Variants in RPGR observed in about 807,000 individuals in gnomAD.
RPGR encodes the protein X-linked retinitis pigmentosa GTPase regulator.
A neutral mutation model predicts 56.3 loss-of-function variants in RPGR; 10 were observed. The ratio of observed to expected loss-of-function variants is 0.18; its 90% CI spans 0.11 to 0.30. The LOEUF (loss-of-function observed/expected upper bound fraction) is 0.30, where lower values mean the gene tolerates loss of function less well. RPGR is among the 10% of genes least tolerant of loss of function. The pLI, the probability that RPGR is intolerant of heterozygous loss-of-function variation, is 1.00. For missense variants in RPGR, 538 were observed against 590.9 expected (o/e 0.91, Z 0.93); for synonymous variants, 197 against 212.9 (o/e 0.93, Z 0.65).
At chrX:38,319,342 C>A (rs919173094) in intron 4 of RPGR, among the ~76,000 whole-genome samples, 1 of 112,337 alleles carries the variant, frequency 8.9e-6, no homozygotes, top group African/African-American at 3.2e-5. Context: ...AGAGATGTGT[C>A]CATTAATTTT....
At chrX:38,323,328 C>T in intron 2 of RPGR, 71 bp downstream of exon 2, 2 of 938,846 alleles carry the variant, frequency 2.1e-6, no homozygotes, top group African/African-American at 3.9e-5. Flanking sequence ...TAAAACACAG[C>T]AGCATATCTA....
At chrX:38,275,819 T>G (rs2066924451) in intron 16 of RPGR, among the ~76,000 whole-genome samples, 1 of 111,116 alleles carries the variant, frequency 9.0e-6, no homozygotes, top group South Asian at 3.8e-4. Flanking sequence ...ATGATGAGAG[T>G]GTTTCATACT....
chrX:38,269,902 G>A, intron 18 of RPGR: 1 of 775,482 alleles, frequency 1.3e-6, no homozygotes, highest in Non-Finnish European at 1.9e-6. Flanking sequence ...GTATTTAGGG[G>A]ATATCATTTT....
At chrX:38,312,815 G>A (rs1253711276) in intron 6 of RPGR, among the ~76,000 whole-genome samples, 1 of 110,788 alleles carries the variant, frequency 9.0e-6, no homozygotes, top group Non-Finnish European at 1.9e-5. Flanking sequence ...GTGGTGGCAC[G>A]CATCTTTGTC....
intron 15 of RPGR, chrX:38,285,454 A>T (rs2067109561): frequency 1.7e-6 from 2 of 1,185,241 alleles, no homozygotes; most frequent in Non-Finnish European, 2.3e-6. Flanking sequence ...ACATAAAATC[A>T]ATTTAATAAC....
chrX:38,311,724 C>A (rs2067722358), intron 6 of RPGR, among the ~76,000 whole-genome samples: 1 of 111,602 alleles, frequency 9.0e-6, no homozygotes, highest in Admixed American at 9.6e-5. Flanking sequence ...ATGATGTGCA[C>A]CTGGCTTCAT....
chrX:38,270,410 C>T (rs2066819499), intron 18 of RPGR, among the ~76,000 whole-genome samples: 1 of 99,216 alleles, frequency 1.0e-5, no homozygotes, highest in Admixed American at 1.2e-4. Flanking sequence ...GTCAGGAGAT[C>T]GAGACTGTTC....
intron 5 of RPGR, 83 bp from the exon 6 acceptor site, chrX:38,317,548 AT>A: frequency 1.2e-6 from 1 of 831,704 alleles, no homozygotes; most frequent in Non-Finnish European, 1.7e-6. Flanking sequence ...AAGACCATTT[AT>A]TTTATTAGTT....
At chrX:38,283,030 C>A (rs17147198) in intron 15 of RPGR, among the ~76,000 whole-genome samples, 7,135 of 111,264 alleles carry the variant, frequency 0.064, 289 homozygotes, top group South Asian at 0.14. Flanking sequence ...TCATGAGGGA[C>A]AAAGTGGTCT....
chrX:38,317,689 T>A, intron 5 of RPGR: 2 of 366,233 alleles, frequency 5.5e-6, no homozygotes, highest in Non-Finnish European at 9.6e-6. Flanking sequence ...TGATTGTAAA[T>A]CACTTAAGTC....
intron 10 of RPGR, among the ~76,000 whole-genome samples, chrX:38,297,974 G>GT (rs2067421423): frequency 9.0e-6 from 1 of 111,635 alleles, no homozygotes; most frequent in Non-Finnish European, 1.9e-5. Flanking sequence ...TAAAAAACAG[G>GT]TATGTCATTG....
intron 1 of RPGR, among the ~76,000 whole-genome samples, 168 bp downstream of exon 1, chrX:38,327,172 T>A (rs1470288067): frequency 8.8e-6 from 1 of 113,010 alleles, no homozygotes; most frequent in Non-Finnish European, 1.9e-5. Flanking sequence ...GTTCTTCCCG[T>A]CCGGTCCTCT....
At chrX:38,277,609 TAAG>T (rs1238402923) in intron 15 of RPGR, among the ~76,000 whole-genome samples, 1 of 111,766 alleles carries the variant, frequency 8.9e-6, no homozygotes, top group East Asian at 2.8e-4. Context: ...TTATTATAAT[TAAG>T]TTTATTATAA....
chrX:38,284,411 A>G (rs968395088), intron 15 of RPGR: 1 of 724,194 alleles, frequency 1.4e-6, no homozygotes, highest in Non-Finnish European at 1.6e-6. Flanking sequence ...GACTATATAC[A>G]TTTAATTTTT....
At chrX:38,309,566 G>A (rs182073333) in intron 7 of RPGR, among the ~76,000 whole-genome samples, 27 of 112,742 alleles carry the variant, frequency 2.4e-4, no homozygotes, top group African/African-American at 6.4e-4. Flanking sequence ...GGTGGCTCAC[G>A]CCTGTAATCC....
intron 15 of RPGR, chrX:38,285,502 T>C: frequency 8.3e-7 from 1 of 1,210,295 alleles, no homozygotes; most frequent in Non-Finnish European, 1.1e-6. Flanking sequence ...GCATTTAAAT[T>C]GTCTGACTGG....
chrX:38,296,395 T>C (rs184028147), intron 11 of RPGR, among the ~76,000 whole-genome samples: 1 of 111,914 alleles, frequency 8.9e-6, no homozygotes. Context: ...GGAGAATCCC[T>C]AAATTTAATT....
rs375014257 is a variant in RPGR, at chrX:38,291,399, T to G, written c.1500A>C (p.Leu500Phe). 101 of 1,114,458 alleles carry G rather than the reference T, an allele frequency of 9.1e-5. No homozygotes were observed. Among genetic ancestry groups the G allele is most frequent in the Non-Finnish European group, 1.2e-4 (98 of 811,091 alleles). The allele number at this position is 1,114,458 out of a possible 1,213,427, so 91.8% of individuals were successfully genotyped here. Reference sequence around the variant, plus strand: ...ATAGATAGGAAATCATTACCATGTTTAAGATATCAGTAGTTTCTCCAAGGC... The same window carrying G: ...ATAGATAGGAAATCATTACCATGTTGAAGATATCAGTAGTTTCTCCAAGGC... Residue 500 changes from leucine (L) to phenylalanine (F), a missense_variant, in exon 12 of 19, where the codon TTA becomes TTC. Physicochemically the swap from Leu to Phe is conservative, Grantham distance 22. Around this residue, in one of 2 missense-constraint regions of RPGR, gnomAD observed 357 missense variants for 325.8 expected, o/e 1.10. Transcript: ENST00000642395.
intron 13 of RPGR, 89 bp downstream of exon 13, chrX:38,290,870 C>T: frequency 3.0e-6 from 1 of 330,401 alleles, no homozygotes; most frequent in Non-Finnish European, 5.7e-6. Context: ...TAAATGCTTA[C>T]GTTTCTTGTG....
Sources: gnomAD v4.1 joint callset for allele counts (sites outside exome capture counted in the v4.1 genomes callset) on GRCh38, gnomAD v4.1.1 for gene constraint, gnomAD v4.1.1 regional missense constraint, MANE v1.5 for transcripts, NCBI Gene and HGNC (gene_info 2026-07-23, HGNC 2026-07-21) for gene names.